MAD1L1: variants seen among roughly 807,000 people sequenced by gnomAD.
MAD1L1 encodes the protein mitotic spindle assembly checkpoint protein MAD1.
MAD1L1 carries 95 observed loss-of-function variants against 96.9 expected under a neutral mutation model. The ratio of observed to expected loss-of-function variants is 0.98; its 90% CI spans 0.83 to 1.16. MAD1L1 has a LOEUF of 1.16. MAD1L1 is among the 50% of genes most tolerant of loss of function. MAD1L1 has a pLI of 0.00. For missense variants in MAD1L1, 1,007 were observed against 954.4 expected, an observed-to-expected ratio of 1.06 and a Z score of -0.73; for synonymous variants, 473 against 396.6, an observed-to-expected ratio of 1.19 and a Z score of -2.29.
chr7:2,001,058 A>G (rs1481918849), intron 14 of MAD1L1, among the ~76,000 whole-genome samples: 1 of 152,212 alleles, frequency 6.6e-6, no homozygotes, highest in Non-Finnish European at 1.5e-5. Context: ...CCAGCCCCAG[A>G]GCCTGTCAAG....
chr7:2,058,683 A>G (rs1416001172), intron 12 of MAD1L1, among the ~76,000 whole-genome samples: 17 of 53,810 alleles, frequency 3.2e-4, no homozygotes, highest in African/African-American at 3.9e-4. Flanking sequence ...GAGAGGCTTG[A>G]GGCTGGAGAG....
intron 18 of MAD1L1, among the ~76,000 whole-genome samples, chr7:1,886,113 G>A (rs1462487011): frequency 2.0e-5 from 3 of 152,184 alleles, no homozygotes; most frequent in Non-Finnish European, 2.9e-5. Flanking sequence ...TTACCTTCTC[G>A]TCAGCCCAGC....
intron 6 of MAD1L1, among the ~76,000 whole-genome samples, chr7:2,219,065 A>G (rs1016261996): frequency 6.6e-6 from 1 of 152,120 alleles, no homozygotes; most frequent in Non-Finnish European, 1.5e-5. Context: ...GTCTCAAAAA[A>G]TAAAGTAAAA....
chr7:2,191,225 T>A (rs1001260384), intron 10 of MAD1L1, among the ~76,000 whole-genome samples: 1 of 151,972 alleles, frequency 6.6e-6, no homozygotes, highest in Non-Finnish European at 1.5e-5. Context: ...AAAACCACGG[T>A]GACAGCCAGA....
Position 2,230,097 on chromosome 7 carries a change from T to C in MAD1L1, c.37A>G (p.Thr13Ala). Reference sequence around the variant, plus strand: ...ATGAAGTTGTTCAAAGATCTCAGGGTGGATAAAACCATGGTGTTTTCCCCC... The same window carrying C: ...ATGAAGTTGTTCAAAGATCTCAGGGCGGATAAAACCATGGTGTTTTCCCCC... The part of the protein sequence containing the change: ...DLGENTMVLS[T>A]LRSLNNFISQ... The change falls in exon 3 of 19, where the codon ACC becomes GCC. Residue 13 changes from threonine (T) to alanine (A), a missense_variant. Transcript: ENST00000265854. 6.2e-7 allele frequency: 1 copy of C among 1,608,060 alleles called. No individual in the cohort carries two copies. The highest frequency in any genetic ancestry group is 8.5e-7 in the Non-Finnish European group (1 of 1,177,134).
chr7:1,865,582 A>T (rs948817731), intron 18 of MAD1L1, among the ~76,000 whole-genome samples: 1 of 152,258 alleles, frequency 6.6e-6, no homozygotes, highest in South Asian at 2.1e-4. Flanking sequence ...GGAGGACTGG[A>T]GACCTGAGAA....
At chr7:1,967,567 G>A (rs942772050) in intron 15 of MAD1L1, among the ~76,000 whole-genome samples, 1 of 152,204 alleles carries the variant, frequency 6.6e-6, no homozygotes, top group African/African-American at 2.4e-5. Flanking sequence ...CGTCCCAGGA[G>A]CCACAGGCAT....
At chr7:2,129,928 G>C (rs1788430783) in intron 11 of MAD1L1, among the ~76,000 whole-genome samples, 2 of 152,214 alleles carry the variant, frequency 1.3e-5, no homozygotes, top group Non-Finnish European at 2.9e-5. Context: ...CTGCCAGGAA[G>C]CTCCCAACCA....
At chr7:2,165,894 C>A (rs1039210524) in intron 10 of MAD1L1, among the ~76,000 whole-genome samples, 7 of 152,270 alleles carry the variant, frequency 4.6e-5, no homozygotes, top group Admixed American at 3.9e-4. Context: ...GGTCTGTGTA[C>A]GCAGAATGAC....
rs183527666 is a variant in MAD1L1 at position 2,110,104 on chromosome 7, G to A, written c.1073+39048C>T. 1.6e-3 allele frequency among the ~76,000 whole-genome samples: 243 copies of A among 152,330 alleles called. 2 individuals carry two copies. The highest frequency in any genetic ancestry group is 5.4e-3 in the African/African-American group (223 of 41,570). On this transcript the variant is annotated intron_variant, in intron 11 of 18. Coordinates refer to ENST00000265854, the MANE Select transcript of MAD1L1 (RefSeq NM_001013836.2). ...AAGTTCAGTTTATTAAACCACAGCC[G>A]ATTTTCCTAAGGCTCCCCTCCACTG...
At chr7:2,096,554 G>A (rs1435806370) in intron 11 of MAD1L1, among the ~76,000 whole-genome samples, 4 of 152,270 alleles carry the variant, frequency 2.6e-5, no homozygotes, top group South Asian at 4.2e-4. Context: ...TGGGCAGGGC[G>A]GGGCGGGCAC....
chr7:2,174,305 C>T (rs1356559294), intron 10 of MAD1L1, among the ~76,000 whole-genome samples: 1 of 152,198 alleles, frequency 6.6e-6, no homozygotes, highest in South Asian at 2.1e-4. Flanking sequence ...CAAAGCCATC[C>T]TGATTCCCGC....
chr7:2,089,609 C>A (rs1330256806), intron 11 of MAD1L1, among the ~76,000 whole-genome samples: 1 of 150,158 alleles, frequency 6.7e-6, no homozygotes, highest in Admixed American at 6.6e-5. Flanking sequence ...ACCGCACACG[C>A]CCACCCATCA....
chr7:2,209,753 C>T (rs981246028), intron 10 of MAD1L1, among the ~76,000 whole-genome samples: 3 of 152,220 alleles, frequency 2.0e-5, no homozygotes, highest in East Asian at 3.9e-4. Context: ...CAGACGCCAG[C>T]CCACCCGGCA....
chr7:2,144,846 G>A (rs896123455), intron 11 of MAD1L1, among the ~76,000 whole-genome samples: 6 of 152,122 alleles, frequency 3.9e-5, no homozygotes, highest in East Asian at 1.9e-4. Flanking sequence ...AGGCTTGAGC[G>A]TAAACCAGGC....
intron 17 of MAD1L1, among the ~76,000 whole-genome samples, chr7:1,901,884 G>T (rs4721178): frequency 0.057 from 8,726 of 152,218 alleles, 585 homozygotes; most frequent in African/African-American, 0.16. Flanking sequence ...CCCTCCTCGG[G>T]CCCCTCCTCC....
intron 18 of MAD1L1, among the ~76,000 whole-genome samples, chr7:1,870,011 G>A (rs988293543): frequency 9.9e-5 from 15 of 152,170 alleles, no homozygotes; most frequent in Non-Finnish European, 1.0e-4. Flanking sequence ...GTGCCAACCC[G>A]GAGTCCACAT....
chr7:2,107,216 G>A (rs1198490023), intron 11 of MAD1L1, among the ~76,000 whole-genome samples: 1 of 152,202 alleles, frequency 6.6e-6, no homozygotes, highest in Non-Finnish European at 1.5e-5. Flanking sequence ...TGTGTGGGGC[G>A]GGACAGTCAG....
intron 15 of MAD1L1, among the ~76,000 whole-genome samples, chr7:1,965,661 C>T (rs1028083418): frequency 5.3e-5 from 8 of 152,270 alleles, no homozygotes; most frequent in Admixed American, 3.3e-4. Context: ...CACACTACCA[C>T]GGGCTCAGCC....
Sources: allele counts gnomAD v4.1 joint callset (sites outside exome capture counted in the v4.1 genomes callset), GRCh38; gene constraint gnomAD v4.1.1; transcripts MANE v1.5; gene names NCBI Gene and HGNC (gene_info 2026-07-23, HGNC 2026-07-21).